SORCS2: variants seen among roughly 807,000 people sequenced by gnomAD.
The protein encoded by SORCS2 is sortilin related VPS10 domain containing receptor 2.
SORCS2 carries 100 observed loss-of-function variants against 141.6 expected under a neutral mutation model. That is an observed-to-expected ratio of 0.71 (90% CI 0.60 to 0.83). The LOEUF is 0.83. Among genes scored for constraint, SORCS2 ranks in the 40% least tolerant of loss-of-function variants. The pLI is 0.00. For missense variants in SORCS2, 1,646 were observed against 1,560.2 expected (o/e 1.05, Z -0.93); for synonymous variants, 789 against 676.9 (o/e 1.17, Z -2.57).
At position 7,507,233 on chromosome 4, in the gene SORCS2, G is replaced by A. The variant is rs142924415; in HGVS notation, c.549-24297G>A. ...CTCTGTGGCCAGGCTGGAGTGCAGT[G>A]GCGTGATCTCAGTTCACTGCAACCT... On this transcript the variant is annotated intron_variant, in intron 2 of 26. Coordinates refer to ENST00000507866, the MANE Select transcript of SORCS2 (RefSeq NM_020777.3). 2.8e-3 allele frequency among the ~76,000 whole-genome samples: 423 copies of A among 150,652 alleles called. 4 individuals carry two copies. The highest frequency in any genetic ancestry group is 0.024 in the Admixed American group (366 of 15,214).
At chr4:7,387,957 C>G (rs971192389) in intron 1 of SORCS2, among the ~76,000 whole-genome samples, 1 of 134,198 alleles carries the variant, frequency 7.5e-6, no homozygotes, top group Non-Finnish European at 1.6e-5. Context: ...CACACATGCA[C>G]ACACACACAG....
chr4:7,466,035 C>T (rs896525868), intron 2 of SORCS2, among the ~76,000 whole-genome samples: 2 of 152,342 alleles, frequency 1.3e-5, no homozygotes, highest in South Asian at 2.1e-4. Context: ...CCAAATCTCA[C>T]AGCTCGAAGA....
Position 7,373,458 on chromosome 4 carries a change from T to TATATATA in SORCS2, c.481-22830_481-22829insATATATA, listed in dbSNP as rs60884163. Among the ~76,000 whole-genome samples, 83 of 82,808 alleles carry TATATATA rather than the reference T, an allele frequency of 1.0e-3. 11 individuals are homozygous for TATATATA. Among genetic ancestry groups the TATATATA allele is most frequent in the East Asian group, 3.7e-3 (6 of 1,620 alleles). 54.3% of individuals were successfully genotyped at this position (82,808 alleles called of 152,430 possible). A position where few individuals can be genotyped will look rare whatever the true frequency, so the allele number is the denominator to read the frequency against. On this transcript the variant is annotated intron_variant, in intron 1 of 26. Transcript: ENST00000507866. ...TGTTGTATTGAATTGTGAGAAACTT[T>TATATATA]TATATATATATATATATATATTTTT...
intron 2 of SORCS2, among the ~76,000 whole-genome samples, chr4:7,454,664 G>GGT (rs1728747458): frequency 8.1e-6 from 1 of 123,276 alleles, no homozygotes; most frequent in Non-Finnish European, 1.7e-5. Flanking sequence ...GTTGGGGTCA[G>GGT]GCTCTGTGTT....
chr4:7,464,417 G>T (rs999424929), intron 2 of SORCS2, among the ~76,000 whole-genome samples: 20 of 152,202 alleles, frequency 1.3e-4, no homozygotes, highest in Non-Finnish European at 1.5e-5. Context: ...TCTATTCAGG[G>T]AAAAGGGAGC....
At chr4:7,478,717 TGA>T (rs1449794330) in intron 2 of SORCS2, among the ~76,000 whole-genome samples, 3 of 152,106 alleles carry the variant, frequency 2.0e-5, no homozygotes, top group Non-Finnish European at 4.4e-5. Flanking sequence ...GACCAATGAA[TGA>T]GAGTGTCTAT....
intron 23 of SORCS2, among the ~76,000 whole-genome samples, chr4:7,729,927 G>T (rs552893189): frequency 2.6e-5 from 4 of 152,114 alleles, no homozygotes; most frequent in African/African-American, 4.8e-5. Flanking sequence ...GAGGTAGTCG[G>T]GGGGAGGGCA....
chr4:7,599,552 G>A (rs926982561), intron 3 of SORCS2, among the ~76,000 whole-genome samples: 2 of 152,186 alleles, frequency 1.3e-5, no homozygotes, highest in Admixed American at 1.3e-4. Flanking sequence ...CTGACACCAC[G>A]AACACCTTGG....
chr4:7,347,545 G>A (rs961161092), intron 1 of SORCS2, among the ~76,000 whole-genome samples: 1 of 152,172 alleles, frequency 6.6e-6, no homozygotes, highest in African/African-American at 2.4e-5. Context: ...GGGAGGTTAA[G>A]CAGTTTGTTC....
chr4:7,236,825 C>T (rs1355123671), intron 1 of SORCS2, among the ~76,000 whole-genome samples: 1 of 152,244 alleles, frequency 6.6e-6, no homozygotes, highest in African/African-American at 2.4e-5. Context: ...AGGTGATCTG[C>T]CCACTTCGGC....
intron 1 of SORCS2, among the ~76,000 whole-genome samples, chr4:7,225,615 G>A (rs1728944348): frequency 1.3e-5 from 2 of 152,176 alleles, no homozygotes; most frequent in African/African-American, 4.8e-5. Context: ...GGTTGGGGGT[G>A]ATTTCCACTT....
At chr4:7,202,041 T>C (rs1353134842) in intron 1 of SORCS2, among the ~76,000 whole-genome samples, 7 of 147,114 alleles carry the variant, frequency 4.8e-5, no homozygotes. Context: ...AGTGCAGACA[T>C]GGGGCTGTCA....
chr4:7,476,241 A>G (rs1031484034), intron 2 of SORCS2, among the ~76,000 whole-genome samples: 22 of 152,210 alleles, frequency 1.4e-4, no homozygotes, highest in African/African-American at 5.1e-4. Context: ...AGACAGATAT[A>G]CACATAGACA....
In SORCS2 at chr4:7,664,399, G is replaced by A. The variant is rs1479594734; in HGVS notation, c.999G>A (p.Met333Ile). 1 of 1,613,810 alleles carries A rather than the reference G, an allele frequency of 6.2e-7. No individual in the cohort carries two copies. Among genetic ancestry groups the A allele is most frequent in the African/African-American group, 1.3e-5 (1 of 74,912 alleles). ...TCAIHNCSEK[M>I]LTAPFAGPID... ...CAATCCACAATTGCTCCGAGAAGATGCTGACAGCCCCATTCGCAGGCCCCA... is the reference window on the plus strand; with the variant it reads ...CAATCCACAATTGCTCCGAGAAGATACTGACAGCCCCATTCGCAGGCCCCA... The change falls in exon 7 of 27, where the codon ATG becomes ATA. Residue 333 changes from methionine (M) to isoleucine (I), a missense_variant. By Grantham distance (10) the Met-to-Ile change is conservative. Coordinates refer to ENST00000507866, the MANE Select transcript of SORCS2 (RefSeq NM_020777.3). This position sits in a 1 kb window ranked among gnomAD's most constrained non-coding sequence, Gnocchi z 4.7.
At chr4:7,621,326 A>G (rs559640490) in intron 3 of SORCS2, among the ~76,000 whole-genome samples, 2 of 151,870 alleles carry the variant, frequency 1.3e-5, no homozygotes, top group African/African-American at 2.4e-5. Flanking sequence ...GTATGTGTCT[A>G]TGTGTGAGTG....
chr4:7,348,379 A>G (rs1364130958), intron 1 of SORCS2, among the ~76,000 whole-genome samples: 1 of 152,172 alleles, frequency 6.6e-6, no homozygotes, highest in African/African-American at 2.4e-5. Flanking sequence ...TGTGTCGGAC[A>G]CCGCTCTTAG....
intron 1 of SORCS2, among the ~76,000 whole-genome samples, chr4:7,367,861 C>T (rs965206506): frequency 6.6e-6 from 1 of 152,194 alleles, no homozygotes; most frequent in African/African-American, 2.4e-5. Context: ...AATCTGACCC[C>T]AAATCCCAGC....
At chr4:7,359,268 C>T (rs1721439524) in intron 1 of SORCS2, among the ~76,000 whole-genome samples, 1 of 152,008 alleles carries the variant, frequency 6.6e-6, no homozygotes, top group Non-Finnish European at 1.5e-5. Flanking sequence ...TGCATTCCAG[C>T]CTGGGCAACA....
At chr4:7,519,104 G>A (rs1225828411) in intron 2 of SORCS2, among the ~76,000 whole-genome samples, 3 of 152,164 alleles carry the variant, frequency 2.0e-5, no homozygotes, top group East Asian at 3.9e-4. Context: ...CGGAGGGCTC[G>A]CAGAGCAGCT....
Sources: gnomAD v4.1 joint callset for allele counts (sites outside exome capture counted in the v4.1 genomes callset) on GRCh38, gnomAD v4.1.1 for gene constraint, Gnocchi (gnomAD v3.1) non-coding constraint, MANE v1.5 for transcripts, NCBI Gene and HGNC (gene_info 2026-07-23, HGNC 2026-07-21) for gene names.